The following CTNNBL1 variants were observed in gnomAD, a reference collection of about 807,000 sequenced individuals.
CTNNBL1 encodes catenin beta like 1, also known as beta-catenin-like protein 1.
A neutral mutation model predicts 72.7 loss-of-function variants in CTNNBL1; 31 were observed. The observed-to-expected ratio is 0.43, with a 90% confidence interval of 0.32 to 0.58. CTNNBL1 has a LOEUF of 0.58. Ranked by LOEUF, CTNNBL1 falls within the 20% of genes least tolerant of loss-of-function variation. The pLI is 0.08. For missense variants in CTNNBL1, 534 were observed against 725.1 expected (o/e 0.74, Z 3.03); for synonymous variants, 240 against 267.3 (o/e 0.90, Z 1.00).
chr20:37,712,738 A>T (rs1352775821), intron 1 of CTNNBL1, among the ~76,000 whole-genome samples: 1 of 152,216 alleles, frequency 6.6e-6, no homozygotes. Context: ...CAGACTTGTC[A>T]GAGTTGGTTG....
intron 5 of CTNNBL1, among the ~76,000 whole-genome samples, chr20:37,758,227 T>G (rs76234728): frequency 2.6e-5 from 4 of 152,226 alleles, no homozygotes; most frequent in Non-Finnish European, 5.9e-5. Context: ...AGAACAAACT[T>G]TATAGCTCAT....
chr20:37,815,358 C>G (rs550358353), intron 11 of CTNNBL1, among the ~76,000 whole-genome samples: 2 of 149,408 alleles, frequency 1.3e-5, no homozygotes, highest in Non-Finnish European at 3.0e-5. Context: ...ACAGTTGTTG[C>G]CCAGGCTGGA....
At chr20:37,810,430 G>A (rs1483752955) in intron 11 of CTNNBL1, among the ~76,000 whole-genome samples, 1 of 151,938 alleles carries the variant, frequency 6.6e-6, no homozygotes, top group South Asian at 2.1e-4. Flanking sequence ...GGTGGATCTC[G>A]CATAGCCCAG....
intron 11 of CTNNBL1, among the ~76,000 whole-genome samples, chr20:37,818,046 C>T (rs569281006): frequency 2.6e-5 from 4 of 152,322 alleles, no homozygotes; most frequent in Non-Finnish European, 2.9e-5. Context: ...TTCAGAGGCT[C>T]ATCTTAAGGA....
chr20:37,700,255 T>C lies in CTNNBL1; in HGVS notation c.30+6103T>C, dbSNP rs182016392. ...TGAGCGATATGACTTCTGGTTCTTT[T>C]CATTTCCAAAATTCAGAGACTAAGA... is the stretch of plus-strand genomic sequence containing the variant. On this transcript the variant is annotated intron_variant, in intron 1 of 15. Transcript: ENST00000361383. 2.3e-3 allele frequency among the ~76,000 whole-genome samples: 345 copies of C among 152,354 alleles called. 1 individual carries two copies. The highest frequency in any genetic ancestry group is 3.9e-3 in the Non-Finnish European group (267 of 68,036).
chr20:37,754,813 T>G (rs1180368321), intron 4 of CTNNBL1, among the ~76,000 whole-genome samples: 1 of 147,734 alleles, frequency 6.8e-6, no homozygotes, highest in African/African-American at 2.5e-5. Context: ...TTAGATAACT[T>G]TTTTTTTTTT....
chr20:37,728,836 T>C (rs1205540687), intron 1 of CTNNBL1, among the ~76,000 whole-genome samples: 2 of 152,180 alleles, frequency 1.3e-5, no homozygotes, highest in Non-Finnish European at 2.9e-5. Flanking sequence ...TAAAGCTGAA[T>C]ACTGTGTGTG....
intron 15 of CTNNBL1, among the ~76,000 whole-genome samples, chr20:37,868,979 A>G (rs574524377): frequency 5.9e-5 from 9 of 152,234 alleles, no homozygotes; most frequent in Non-Finnish European, 1.0e-4. Context: ...CAACTATATC[A>G]TTCACATGTG....
intron 15 of CTNNBL1, among the ~76,000 whole-genome samples, chr20:37,861,956 G>A (rs1036631890): frequency 5.3e-5 from 8 of 152,226 alleles, no homozygotes; most frequent in Admixed American, 2.0e-4. Flanking sequence ...AGTCCAGAAA[G>A]AAACAGCAGT....
At chr20:37,868,323 A>T (rs981642027) in intron 15 of CTNNBL1, among the ~76,000 whole-genome samples, 2 of 151,264 alleles carry the variant, frequency 1.3e-5, no homozygotes, top group Admixed American at 1.3e-4. Context: ...ACACATTTCA[A>T]GGTTTGAATT....
At chr20:37,792,901 G>A (rs2073738406) in intron 10 of CTNNBL1, among the ~76,000 whole-genome samples, 1 of 152,138 alleles carries the variant, frequency 6.6e-6, no homozygotes, top group South Asian at 2.1e-4. Context: ...TGACCAATGA[G>A]TTATTTAGAA....
chr20:37,721,197 C>T (rs1200133390), intron 1 of CTNNBL1, among the ~76,000 whole-genome samples: 1 of 152,188 alleles, frequency 6.6e-6, no homozygotes, highest in Non-Finnish European at 1.5e-5. Context: ...GGCTTCCAGA[C>T]CCTCTGCTAT....
intron 11 of CTNNBL1, among the ~76,000 whole-genome samples, chr20:37,836,980 A>G (rs1405249966): frequency 6.6e-6 from 1 of 152,134 alleles, no homozygotes; most frequent in African/African-American, 2.4e-5. Context: ...AAAGTTTTAG[A>G]ACTGATCTTG....
chr20:37,830,224 A>G (rs1054757097), intron 11 of CTNNBL1, among the ~76,000 whole-genome samples: 1 of 152,156 alleles, frequency 6.6e-6, no homozygotes, highest in Non-Finnish European at 1.5e-5. Flanking sequence ...TATGAATGGT[A>G]TATATTATAA....
intron 13 of CTNNBL1, among the ~76,000 whole-genome samples, chr20:37,843,230 A>C (rs1427786642): frequency 6.6e-6 from 1 of 152,174 alleles, no homozygotes; most frequent in Non-Finnish European, 1.5e-5. Flanking sequence ...CTTTTTTCCA[A>C]GTCTACAGGA....
At chr20:37,808,356 T>C (rs1179432405) in intron 11 of CTNNBL1, among the ~76,000 whole-genome samples, 1 of 152,164 alleles carries the variant, frequency 6.6e-6, no homozygotes, top group Non-Finnish European at 1.5e-5. Flanking sequence ...GCAGAACCTT[T>C]CCTGCAGTCA....
intron 1 of CTNNBL1, among the ~76,000 whole-genome samples, chr20:37,732,256 A>G (rs1445287922): frequency 6.6e-6 from 1 of 152,190 alleles, no homozygotes; most frequent in African/African-American, 2.4e-5. Flanking sequence ...TCTGGGCCTT[A>G]CTCAACTCTT....
intron 1 of CTNNBL1, among the ~76,000 whole-genome samples, chr20:37,723,055 C>G (rs1016684527): frequency 6.6e-6 from 1 of 152,068 alleles, no homozygotes; most frequent in Non-Finnish European, 1.5e-5. Context: ...ATAAAGAAAC[C>G]GAATCAACAT....
chr20:37,800,334 T>C (rs1050311125), intron 10 of CTNNBL1, among the ~76,000 whole-genome samples: 3 of 152,162 alleles, frequency 2.0e-5, no homozygotes, highest in Non-Finnish European at 4.4e-5. Context: ...CTCTTGGGGT[T>C]CCTCCTCCAG....
Sources: gnomAD v4.1 joint callset for allele counts (sites outside exome capture counted in the v4.1 genomes callset) on GRCh38, gnomAD v4.1.1 for gene constraint, MANE v1.5 for transcripts, NCBI Gene and HGNC (gene_info 2026-07-23, HGNC 2026-07-21) for gene names.